Variants in HPS3 observed in about 807,000 individuals in gnomAD.
HPS3 encodes the protein BLOC-2 complex member HPS3.
A neutral mutation model predicts 110.9 loss-of-function variants in HPS3; 79 were observed. The ratio of observed to expected loss-of-function variants is 0.71; its 90% CI spans 0.59 to 0.86. The LOEUF (loss-of-function observed/expected upper bound fraction) is 0.86, where lower values mean the gene tolerates loss of function less well. Ranked by LOEUF, HPS3 falls within the 40% of genes least tolerant of loss-of-function variation. The probability of loss-of-function intolerance (pLI) is 0.00; values close to 1 mark genes in which losing one functional copy is unlikely to be tolerated. For missense variants in HPS3, 1,197 were observed against 1,206.2 expected (o/e 0.99, Z 0.11); for synonymous variants, 428 against 451.0 (o/e 0.95, Z 0.65).
intron 1 of HPS3, among the ~76,000 whole-genome samples, chr3:149,133,465 A>G (rs1423075002): frequency 1.3e-5 from 2 of 151,766 alleles, no homozygotes; most frequent in Admixed American, 6.6e-5. Context: ...CTTGTGGCGA[A>G]TTTTGTATTT....
chr3:149,149,881 T>G (rs943987952), intron 5 of HPS3, among the ~76,000 whole-genome samples: 1 of 152,190 alleles, frequency 6.6e-6, no homozygotes, highest in African/African-American at 2.4e-5. Flanking sequence ...GCACTTACTG[T>G]GGAGTCCCTA....
chr3:149,165,078 C>T (rs35151157), intron 14 of HPS3, among the ~76,000 whole-genome samples: 1 of 152,048 alleles, frequency 6.6e-6, no homozygotes, highest in African/African-American at 2.4e-5. Flanking sequence ...AAAAAATAAC[C>T]AAAGAAGATT....
At chr3:149,138,301 T>C (rs1722238899) in intron 1 of HPS3, among the ~76,000 whole-genome samples, 1 of 152,172 alleles carries the variant, frequency 6.6e-6, no homozygotes, top group East Asian at 1.9e-4. Flanking sequence ...CATAAGTACA[T>C]GGGAAGTCAA....
Position 149,153,699 on chromosome 3 carries a change from T to C in HPS3, c.1400+51T>C, listed in dbSNP as rs753497541. The C allele has an allele frequency of 1.8e-5, 28 of 1,545,642 alleles. No homozygotes were observed. In the East Asian group the frequency reaches 6.3e-4, roughly 35 times the overall value. ...TCCTGCCAGTTTCTGGAATGAGTTG[T>C]AACTGGTATATTTTGTGTTTATCTT... On this transcript the variant is annotated intron_variant, in intron 7 of 16. Coordinates refer to ENST00000296051, the MANE Select transcript of HPS3 (RefSeq NM_032383.5).
chr3:149,130,052 C>T, intron 1 of HPS3, 112 bp downstream of exon 1: 3 of 1,021,596 alleles, frequency 2.9e-6, no homozygotes, highest in South Asian at 1.4e-5. Context: ...TCTTGCTTCC[C>T]GGAATTTGCC....
At chr3:149,151,025 C>T (rs758682021) in intron 6 of HPS3, among the ~76,000 whole-genome samples, 9 of 151,362 alleles carry the variant, frequency 5.9e-5, no homozygotes, top group East Asian at 1.9e-4. Context: ...TTAATTTTTT[C>T]GAGGCAGGGT....
Position 149,147,249 on chromosome 3 carries a change from A to G in HPS3, c.1163+1703A>G, listed in dbSNP as rs549936412. Among the ~76,000 whole-genome samples the G allele has an allele frequency of 6.6e-5, 10 of 152,338 alleles. 1 individual carries two copies. Among genetic ancestry groups the G allele is most frequent in the African/African-American group, 2.4e-4 (10 of 41,582 alleles). ...TTTGAGATGCTTATAGATTATCAAG[A>G]CATAATGCTAAGTAGGCTTTTGGAC... is the stretch of plus-strand genomic sequence containing the variant. On this transcript the variant is annotated intron_variant, in intron 5 of 16. Transcript: ENST00000296051.
intron 13 of HPS3, 151 bp from the exon 14 acceptor site, chr3:149,163,691 A>G (rs1426498744): frequency 2.2e-5 from 13 of 578,370 alleles, no homozygotes; most frequent in Admixed American, 9.2e-5. Context: ...CAGGGGAAAA[A>G]TTCTTAAAAA....
At chr3:149,161,372 C>T (rs1434067309) in intron 11 of HPS3, among the ~76,000 whole-genome samples, 4 of 152,020 alleles carry the variant, frequency 2.6e-5, no homozygotes, top group African/African-American at 9.7e-5. Flanking sequence ...CTCCAATATA[C>T]TTCAAATCAT....
At position 149,172,581 on chromosome 3, in the gene HPS3, C is replaced by T. The variant is rs909511448; in HGVS notation, c.*359C>T. ...GGAGACATGACAATCATTTTCATCC[C>T]AAGAACACTTTAAGGAAACATTTTA... On this transcript the variant is annotated 3_prime_UTR_variant, in exon 17 of 17. Transcript: ENST00000296051. 5.7e-6 allele frequency: 1 copy of T among 176,454 alleles called. No homozygotes were observed. The highest frequency in any genetic ancestry group is 1.2e-5 in the Non-Finnish European group (1 of 81,864). 10.9% of individuals were successfully genotyped at this position (176,454 alleles called of 1,614,324 possible).
rs1273538946 is a variant in HPS3, at chr3:149,172,901, A to T, written c.*679A>T. ...CTTGTTTCCATTTTTGTTGATGTGTACTCTTGCTCTTTTAGCTAGAGTGTA... is the reference window on the plus strand; with the variant it reads ...CTTGTTTCCATTTTTGTTGATGTGTTCTCTTGCTCTTTTAGCTAGAGTGTA... On this transcript the variant is annotated 3_prime_UTR_variant, in exon 17 of 17. Coordinates refer to ENST00000296051, the MANE Select transcript of HPS3 (RefSeq NM_032383.5). The T allele has an allele frequency of 6.6e-6, 1 of 152,462 alleles. No homozygotes were observed. The highest frequency in any genetic ancestry group is 1.5e-5 in the Non-Finnish European group (1 of 68,040). 9.4% of individuals were successfully genotyped at this position (152,462 alleles called of 1,614,324 possible).
chr3:149,150,493 A>C (rs1723032486), intron 5 of HPS3, 106 bp from the exon 6 acceptor site: 1 of 788,764 alleles, frequency 1.3e-6, no homozygotes, highest in Admixed American at 1.9e-5. Flanking sequence ...CAAATACTTG[A>C]CTGTCACCCC....
intron 11 of HPS3, among the ~76,000 whole-genome samples, chr3:149,161,677 T>G (rs544850513): frequency 6.6e-6 from 1 of 152,046 alleles, no homozygotes; most frequent in African/African-American, 2.4e-5. Flanking sequence ...GCTTGGCTAA[T>G]TTTTGTATTT....
rs528259604 is a variant in HPS3, at chr3:149,142,425, G to T, written c.970+1045G>T. Among the ~76,000 whole-genome samples the T allele has an allele frequency of 4.6e-4, 70 of 152,196 alleles. No individual in the cohort carries two copies. In the South Asian group the frequency reaches 0.014, roughly 31 times the overall value. On this transcript the variant is annotated intron_variant, in intron 4 of 16. Transcript: ENST00000296051. ...TTGTTTTCAACCCTGCCACACAATG[G>T]GCTTACCTGAATGCTTTTTAAGATA...
chr3:149,141,000 C>A lies in HPS3; in HGVS notation c.713-17C>A, dbSNP rs143594510. On this transcript the variant is annotated splice_polypyrimidine_tract_variant and intron_variant, in intron 2 of 16. Coordinates refer to ENST00000296051, the MANE Select transcript of HPS3 (RefSeq NM_032383.5). ...AATTTTCATTCAAGCAGGACTGTTA[C>A]ATTTTATTTTTTTAAGGCATCAGTA... The A allele has an allele frequency of 9.4e-5, 151 of 1,610,420 alleles. No homozygotes were observed. The highest frequency in any genetic ancestry group is 9.8e-5 in the Non-Finnish European group (115 of 1,176,822).
intron 6 of HPS3, among the ~76,000 whole-genome samples, chr3:149,151,205 T>TA (rs1553753126): frequency 0.15 from 20,322 of 137,058 alleles, 1,496 homozygotes; most frequent in African/African-American, 0.2. Flanking sequence ...TTATTATTAT[T>TA]TTTTTTTCTG....
chr3:149,173,518 CATT>C lies in HPS3; in HGVS notation c.*1299_*1301del. 1 of 462,172 alleles carries C rather than the reference CATT, an allele frequency of 2.2e-6. No homozygotes were observed. The allele number at this position is 462,172 out of a possible 1,614,324, so 28.6% of individuals were successfully genotyped here. The stretch of plus-strand genomic sequence containing the variant: ...TAGTGTACAAGTGTCAGTCATGTAT[CATT>C]ATATAGTCTGTTGATCTTTCCATTT... On this transcript the variant is annotated 3_prime_UTR_variant, in exon 17 of 17. Coordinates refer to ENST00000296051, the MANE Select transcript of HPS3 (RefSeq NM_032383.5).
chr3:149,148,436 T>C (rs1722909249), intron 5 of HPS3, among the ~76,000 whole-genome samples: 1 of 137,196 alleles, frequency 7.3e-6, no homozygotes, highest in Non-Finnish European at 1.5e-5. Context: ...GGAGTGTCGC[T>C]CTGTCGCCCA....
At position 149,171,817 on chromosome 3, in the gene HPS3, G is replaced by A. The variant is rs190701198; in HGVS notation, c.2888-278G>A. 4.4e-4 allele frequency among the ~76,000 whole-genome samples: 65 copies of A among 148,334 alleles called. 1 individual carries two copies. The East Asian group carries it at 7.5e-3, about 17-fold the overall frequency. On this transcript the variant is annotated intron_variant, in intron 16 of 16. Coordinates refer to ENST00000296051, the MANE Select transcript of HPS3 (RefSeq NM_032383.5). ...CCTCAAGGGTTCAAGCAATTCTCCCGCCTCAGCCTCCTGAGTAGCTAGGAT... is the reference window on the plus strand; with the variant it reads ...CCTCAAGGGTTCAAGCAATTCTCCCACCTCAGCCTCCTGAGTAGCTAGGAT...
Sources: allele counts gnomAD v4.1 joint callset (sites outside exome capture counted in the v4.1 genomes callset), GRCh38; gene constraint gnomAD v4.1.1; transcripts MANE v1.5; gene names NCBI Gene and HGNC (gene_info 2026-07-23, HGNC 2026-07-21).